Variants in GNAZ observed in about 807,000 individuals in gnomAD.
GNAZ encodes guanine nucleotide-binding protein G(z) subunit alpha.
Under a neutral mutation model 25.4 loss-of-function variants are expected in GNAZ, and 3 were observed. The observed-to-expected ratio is 0.12, with a 90% CI of 0.05 to 0.30. GNAZ has a LOEUF of 0.30. GNAZ is among the 10% of genes least tolerant of loss of function. The pLI, the probability that GNAZ is intolerant of heterozygous loss-of-function variation, is 1.00. For synonymous variants in GNAZ, 211 were observed against 205.7 expected, an observed-to-expected ratio of 1.03 and a Z score of -0.22; for missense variants, 241 against 501.8, an observed-to-expected ratio of 0.48 and a Z score of 4.97.
chr22:23,072,498 C>G (rs562226185), intron 1 of GNAZ, among the ~76,000 whole-genome samples: 1 of 152,186 alleles, frequency 6.6e-6, no homozygotes, highest in Non-Finnish European at 1.5e-5. Context: ...CACTTTCCCC[C>G]CTAAGTCAGC....
intron 1 of GNAZ, among the ~76,000 whole-genome samples, chr22:23,086,989 G>A (rs1217272868): frequency 2.0e-5 from 3 of 152,258 alleles, no homozygotes; most frequent in Admixed American, 1.3e-4. Flanking sequence ...AGCACATGCG[G>A]CTCCGATAAG....
intron 2 of GNAZ, among the ~76,000 whole-genome samples, chr22:23,096,986 C>T (rs772388410): frequency 2.0e-5 from 3 of 152,142 alleles, no homozygotes; most frequent in South Asian, 2.1e-4. Context: ...GGTGGGGAGC[C>T]GGGTGAAGCA....
intron 1 of GNAZ, among the ~76,000 whole-genome samples, chr22:23,082,377 A>ATTTTTTTT (rs34931887): frequency 8.6e-6 from 1 of 116,504 alleles, no homozygotes; most frequent in South Asian, 2.8e-4. Context: ...ACACCTGGCT[A>ATTTTTTTT]TTTTTTTTTT....
At position 23,121,106 on chromosome 22, in the gene GNAZ, G is replaced by A. The variant is rs1045690285; in HGVS notation, c.724-1981G>A. 5.2e-4 allele frequency among the ~76,000 whole-genome samples: 79 copies of A among 152,148 alleles called. 1 individual carries two copies. The highest frequency in any genetic ancestry group is 1.8e-3 in the Admixed American group (27 of 15,282). The stretch of plus-strand genomic sequence containing the variant: ...GGGAATGTGCAGCCAGGTTCACTGC[G>A]GAGGCGCTGGCTCCTCTCTGCTCTG... On this transcript the variant is annotated intron_variant, in intron 2 of 2. Transcript: ENST00000615612.
At chr22:23,096,959 G>A (rs2069143668) in intron 2 of GNAZ, among the ~76,000 whole-genome samples, 1 of 152,228 alleles carries the variant, frequency 6.6e-6, no homozygotes, top group Non-Finnish European at 1.5e-5. Context: ...GGGCTTGAGA[G>A]TGGAGTTGCT....
In GNAZ at chr22:23,089,334, C is replaced by G. The variant is rs537918496; in HGVS notation, c.-449-5913C>G. On this transcript the variant is annotated intron_variant, in intron 1 of 2. Transcript: ENST00000615612. Reference sequence around the variant, plus strand: ...GTTGTGGAGGAGGCCTTGAGCAAAGCTTTGGGGACAGCCTGGAGGTTACGG... The same window carrying G: ...GTTGTGGAGGAGGCCTTGAGCAAAGGTTTGGGGACAGCCTGGAGGTTACGG... 4.6e-5 allele frequency among the ~76,000 whole-genome samples: 7 copies of G among 152,304 alleles called. No homozygotes were observed. In the East Asian group the frequency reaches 1.2e-3, roughly 25 times the overall value.
At chr22:23,118,542 C>G (rs906151821) in intron 2 of GNAZ, among the ~76,000 whole-genome samples, 1 of 146,216 alleles carries the variant, frequency 6.8e-6, no homozygotes, top group African/African-American at 2.5e-5. Flanking sequence ...CTTGCCAGAA[C>G]AGGACACTGT....
intron 1 of GNAZ, among the ~76,000 whole-genome samples, chr22:23,078,559 T>C (rs929059976): frequency 6.6e-6 from 1 of 152,238 alleles, no homozygotes; most frequent in Non-Finnish European, 1.5e-5. Flanking sequence ...CTGGCTGTTC[T>C]GGGGCTCTCC....
intron 2 of GNAZ, among the ~76,000 whole-genome samples, chr22:23,103,640 T>A (rs2069370932): frequency 7.0e-6 from 1 of 143,164 alleles, no homozygotes; most frequent in Non-Finnish European, 1.5e-5. Flanking sequence ...CAACCTTGCA[T>A]TGGCTAACAC....
chr22:23,074,162 A>G (rs2068449001), intron 1 of GNAZ, among the ~76,000 whole-genome samples: 1 of 152,114 alleles, frequency 6.6e-6, no homozygotes, highest in Non-Finnish European at 1.5e-5. Context: ...TGGAGCAGAG[A>G]AGAGACTGGA....
chr22:23,077,467 GAT>G (rs2068538231), intron 1 of GNAZ, among the ~76,000 whole-genome samples: 1 of 152,198 alleles, frequency 6.6e-6, no homozygotes, highest in Non-Finnish European at 1.5e-5. Context: ...CCTCCTCTTG[GAT>G]GTACACCTGA....
At chr22:23,082,368 C>T (rs2068707037) in intron 1 of GNAZ, among the ~76,000 whole-genome samples, 1 of 145,920 alleles carries the variant, frequency 6.9e-6, no homozygotes, top group Non-Finnish European at 1.5e-5. Flanking sequence ...CACACCACCA[C>T]ACCTGGCTAT....
chr22:23,091,628 G>A (rs1454163588), intron 1 of GNAZ, among the ~76,000 whole-genome samples: 2 of 151,296 alleles, frequency 1.3e-5, no homozygotes, highest in Non-Finnish European at 2.9e-5. Flanking sequence ...GCACCGCAAT[G>A]GACCTGCATA....
At chr22:23,109,183 A>G (rs1265276609) in intron 2 of GNAZ, among the ~76,000 whole-genome samples, 2 of 152,200 alleles carry the variant, frequency 1.3e-5, no homozygotes, top group Non-Finnish European at 2.9e-5. Flanking sequence ...GCTGTCTCAC[A>G]GCTACCAGGA....
rs184255111 is a variant in GNAZ at position 23,093,706 on chromosome 22, A to C, written c.-449-1541A>C. On this transcript the variant is annotated intron_variant, in intron 1 of 2. Coordinates refer to ENST00000615612, the MANE Select transcript of GNAZ (RefSeq NM_002073.4). ...GGAGTAAGTCGCCAGAGGCCACACA[A>C]CCTGGGAGAGGCAAGCAAGGCATGA... Among the ~76,000 whole-genome samples the C allele has an allele frequency of 1.8e-3, 279 of 152,246 alleles. 1 individual carries two copies. Among genetic ancestry groups the C allele is most frequent in the African/African-American group, 5.0e-3 (208 of 41,536 alleles).
At chr22:23,108,203 G>A (rs897236659) in intron 2 of GNAZ, among the ~76,000 whole-genome samples, 2 of 152,276 alleles carry the variant, frequency 1.3e-5, no homozygotes, top group East Asian at 3.8e-4. Context: ...CCTGCAGCAT[G>A]TGCCATCTGG....
chr22:23,114,991 G>A (rs1423786785), intron 2 of GNAZ, among the ~76,000 whole-genome samples: 3 of 152,310 alleles, frequency 2.0e-5, no homozygotes, highest in East Asian at 3.9e-4. Context: ...TGTGTCCCAG[G>A]GATGATGCTG....
intron 2 of GNAZ, among the ~76,000 whole-genome samples, chr22:23,117,556 C>A (rs759252428): frequency 6.6e-6 from 1 of 152,194 alleles, no homozygotes; most frequent in South Asian, 2.1e-4. Flanking sequence ...CCGATGAGAC[C>A]TCGCAGGTGA....
At chr22:23,110,272 A>C (rs997526584) in intron 2 of GNAZ, among the ~76,000 whole-genome samples, 3 of 151,876 alleles carry the variant, frequency 2.0e-5, no homozygotes, top group Non-Finnish European at 4.4e-5. Flanking sequence ...GAGCCTCGTG[A>C]GCCCAGGAGC....
Sources: allele counts gnomAD v4.1 joint callset (sites outside exome capture counted in the v4.1 genomes callset), GRCh38; gene constraint gnomAD v4.1.1; transcripts MANE v1.5; gene names NCBI Gene and HGNC (gene_info 2026-07-23, HGNC 2026-07-21).